The following KIRREL3 variants were observed in gnomAD, a reference collection of about 807,000 sequenced individuals.
KIRREL3 encodes kin of IRRE-like protein 3.
Under a neutral mutation model 89.7 loss-of-function variants are expected in KIRREL3, and 36 were observed. The observed-to-expected ratio is 0.40, with a 90% CI of 0.31 to 0.53. The LOEUF is 0.53. KIRREL3 is among the 20% of genes least tolerant of loss of function. The pLI is 0.49. For missense variants in KIRREL3, 864 were observed against 1,056.6 expected, an observed-to-expected ratio of 0.82 and a Z score of 2.53; for synonymous variants, 445 against 441.4, an observed-to-expected ratio of 1.01 and a Z score of -0.10.
Position 126,780,450 on chromosome 11 carries a change from A to T in KIRREL3, c.56-217538T>A, listed in dbSNP as rs751433853. Among the ~76,000 whole-genome samples, 1 of 152,214 alleles carries T rather than the reference A, an allele frequency of 6.6e-6. No individual in the cohort carries two copies. The highest frequency in any genetic ancestry group is 1.5e-5 in the Non-Finnish European group (1 of 68,036). On this transcript the variant is annotated intron_variant, in intron 1 of 16. Transcript: ENST00000525144. The surrounding 1 kb of genome is among the most constrained non-coding windows in gnomAD (Gnocchi z 5.3). ...CCATCCCTTCTATCTCACTTACCTG[A>T]TGTGGAACATATGCTGGGATCAGAA... is the stretch of plus-strand genomic sequence containing the variant.
Position 126,811,863 on chromosome 11 carries a change from A to C in KIRREL3, c.55+188592T>G, listed in dbSNP as rs1426472271. Among the ~76,000 whole-genome samples the C allele has an allele frequency of 6.6e-6, 1 of 152,152 alleles. No individual in the cohort carries two copies. Among genetic ancestry groups the C allele is most frequent in the Admixed American group, 6.5e-5 (1 of 15,284 alleles). ...TGGCCTCATAAAGTGCTGGGATTAC[A>C]GGTGTGAGCCACTGTGCCTGGCCAG... On this transcript the variant is annotated intron_variant, in intron 1 of 16. Coordinates refer to ENST00000525144, the MANE Select transcript of KIRREL3 (RefSeq NM_032531.4). This position sits in a 1 kb window ranked among gnomAD's most constrained non-coding sequence, Gnocchi z 4.3.
rs1048107660 is a variant in KIRREL3 at position 126,822,766 on chromosome 11, C to T, written c.55+177689G>A. 3.9e-5 allele frequency among the ~76,000 whole-genome samples: 6 copies of T among 152,198 alleles called. 1 individual carries two copies. Among genetic ancestry groups the T allele is most frequent in the Middle Eastern group, 3.4e-3 (1 of 294 alleles). On this transcript the variant is annotated intron_variant, in intron 1 of 16. Coordinates refer to ENST00000525144, the MANE Select transcript of KIRREL3 (RefSeq NM_032531.4). The stretch of plus-strand genomic sequence containing the variant: ...AAGCTGATGTCTGGGTTGGGCTGGC[C>T]GGAAGAGCCAGGGTCTGGCCAGTGT...
Position 126,709,026 on chromosome 11 carries a change from G to A in KIRREL3, c.56-146114C>T, listed in dbSNP as rs1204391715. On this transcript the variant is annotated intron_variant, in intron 1 of 16. Transcript: ENST00000525144. The surrounding 1 kb of genome is among the most constrained non-coding windows in gnomAD (Gnocchi z 4.0). ...ACCCCAGGACAGCTTGTGTTATCAC[G>A]GCCAGGTGGATCTTTCTAGAACACC... Among the ~76,000 whole-genome samples, 3 of 152,106 alleles carry A rather than the reference G, an allele frequency of 2.0e-5. No individual in the cohort carries two copies. The highest frequency in any genetic ancestry group is 4.4e-5 in the Non-Finnish European group (3 of 68,040).
rs1363851898 is a variant in KIRREL3, at chr11:126,516,153, T to A, written c.433+5162A>T. Among the ~76,000 whole-genome samples the A allele has an allele frequency of 6.6e-6, 1 of 152,224 alleles. No individual in the cohort carries two copies. Among genetic ancestry groups the A allele is most frequent in the Non-Finnish European group, 1.5e-5 (1 of 68,042 alleles). On this transcript the variant is annotated intron_variant, in intron 4 of 16. Transcript: ENST00000525144. This position sits in a 1 kb window ranked among gnomAD's most constrained non-coding sequence, Gnocchi z 4.9. Reference sequence around the variant, plus strand: ...TTATCTGTTTTCCTCTCTCAGTATTTGGGGCTTGACATCATTTAAAAAGAT... The same window carrying A: ...TTATCTGTTTTCCTCTCTCAGTATTAGGGGCTTGACATCATTTAAAAAGAT...
rs575594145 is a variant in KIRREL3 at position 126,601,486 on chromosome 11, C to T, written c.56-38574G>A. On this transcript the variant is annotated intron_variant, in intron 1 of 16. Transcript: ENST00000525144. The surrounding 1 kb of genome is among the most constrained non-coding windows in gnomAD (Gnocchi z 5.8). ...GATGAACTTCCCGTGCTCAATCAAA[C>T]GTTATTATCCCAATGTAAGTCAATT... Among the ~76,000 whole-genome samples the T allele has an allele frequency of 3.3e-5, 5 of 152,340 alleles. No individual in the cohort carries two copies. Among genetic ancestry groups the T allele is most frequent in the African/African-American group, 7.2e-5 (3 of 41,578 alleles).
At chr11:126,963,184 A>C (rs560046490) in intron 1 of KIRREL3, among the ~76,000 whole-genome samples, 1 of 152,158 alleles carries the variant, frequency 6.6e-6, no homozygotes, top group Non-Finnish European at 1.5e-5. Flanking sequence ...GGCTGAGAGC[A>C]CTGATAAAAT....
At chr11:126,935,803 G>A (rs997538511) in intron 1 of KIRREL3, 3 of 152,210 alleles carry the variant, frequency 2.0e-5, no homozygotes, top group African/African-American at 7.2e-5. Context: ...CGTGGTAGAT[G>A]CAAGTCATTA....
Position 126,821,329 on chromosome 11 carries a change from G to GTATATATATATATATATATA in KIRREL3, c.55+179106_55+179125dup, listed in dbSNP as rs6144553. 3.2e-3 allele frequency among the ~76,000 whole-genome samples: 331 copies of GTATATATATATATATATATA among 103,434 alleles called. 8 individuals carry two copies. Among genetic ancestry groups the GTATATATATATATATATATA allele is most frequent in the South Asian group, 6.6e-3 (19 of 2,878 alleles). The allele number at this position is 103,434 out of a possible 152,430, so 67.9% of individuals were successfully genotyped here. On this transcript the variant is annotated intron_variant, in intron 1 of 16. Transcript: ENST00000525144. ...TTTCATGGGTCAACGGATAAACACA[G>GTATATATATATATATATATA]TATATATATATATATATATATATGT...
At chr11:126,848,657 A>T (rs1312496280) in intron 1 of KIRREL3, among the ~76,000 whole-genome samples, 1 of 152,190 alleles carries the variant, frequency 6.6e-6, no homozygotes, top group East Asian at 1.9e-4. Flanking sequence ...ACATGGGATA[A>T]TTTTGCTTAT....
intron 1 of KIRREL3, among the ~76,000 whole-genome samples, chr11:126,586,415 A>G (rs1414349105): frequency 6.6e-6 from 1 of 152,026 alleles, no homozygotes; most frequent in Non-Finnish European, 1.5e-5. Context: ...ACTGAACGCG[A>G]GCTGGGGGAA....
In KIRREL3 at chr11:126,471,090, G is replaced by A. The variant is rs975641566; in HGVS notation, c.591+2219C>T. Reference sequence around the variant, plus strand: ...AGACAGTTTGCGGCCGGGCGCAGTGGCTCAGTCCTGTAATCCCAGCACTTT... The same window carrying A: ...AGACAGTTTGCGGCCGGGCGCAGTGACTCAGTCCTGTAATCCCAGCACTTT... On this transcript the variant is annotated intron_variant, in intron 5 of 16. Coordinates refer to ENST00000525144, the MANE Select transcript of KIRREL3 (RefSeq NM_032531.4). The surrounding 1 kb of genome is among the most constrained non-coding windows in gnomAD (Gnocchi z 5.4). 3.3e-5 allele frequency among the ~76,000 whole-genome samples: 5 copies of A among 152,138 alleles called. No homozygotes were observed. The highest frequency in any genetic ancestry group is 1.2e-4 in the African/African-American group (5 of 41,416).
chr11:126,594,264 C>A lies in KIRREL3; in HGVS notation c.56-31352G>T, dbSNP rs1032758059. On this transcript the variant is annotated intron_variant, in intron 1 of 16. Coordinates refer to ENST00000525144, the MANE Select transcript of KIRREL3 (RefSeq NM_032531.4). This position sits in a 1 kb window ranked among gnomAD's most constrained non-coding sequence, Gnocchi z 5.0. ...ACTAACAGTAAGGTGAAGGGTAGGG[C>A]TGGGGGCTGGGTCGGAGCCACAGGA... 1.3e-5 allele frequency among the ~76,000 whole-genome samples: 2 copies of A among 151,942 alleles called. No individual in the cohort carries two copies. Among genetic ancestry groups the A allele is most frequent in the African/African-American group, 4.8e-5 (2 of 41,368 alleles).
rs1178113336 is a variant in KIRREL3 at position 126,525,647 on chromosome 11, TCTC to T, written c.283+888_283+890del. 2.0e-5 allele frequency among the ~76,000 whole-genome samples: 3 copies of T among 152,200 alleles called. No homozygotes were observed. Among genetic ancestry groups the T allele is most frequent in the African/African-American group, 4.8e-5 (2 of 41,438 alleles). ...ACTTCTCAGCTGAATAATATTTTTC[TCTC>T]CTCCTCCACCCTTAGCTATTCCCAA... On this transcript the variant is annotated intron_variant, in intron 3 of 16. Transcript: ENST00000525144. The surrounding 1 kb of genome is among the most constrained non-coding windows in gnomAD (Gnocchi z 5.4).
chr11:126,482,288 C>T (rs760500129), intron 4 of KIRREL3, among the ~76,000 whole-genome samples: 7 of 152,206 alleles, frequency 4.6e-5, no homozygotes, highest in Non-Finnish European at 8.8e-5. Flanking sequence ...ATCCACCTGC[C>T]TTGGTCTCCC....
intron 5 of KIRREL3, among the ~76,000 whole-genome samples, chr11:126,465,937 G>A (rs1425136173): frequency 1.3e-5 from 2 of 152,162 alleles, no homozygotes; most frequent in East Asian, 1.9e-4. Flanking sequence ...GCGCAGGGGC[G>A]GGGAGGTGGT....
rs759753586 is a variant in KIRREL3, at chr11:126,521,379, C to T, written c.369G>A (p.Ala123=). The change falls in exon 4 of 17, where the codon GCG becomes GCA. Residue 123 remains alanine, a synonymous_variant. Transcript: ENST00000525144. This position sits in a 1 kb window ranked among gnomAD's most constrained non-coding sequence, Gnocchi z 4.1. ...CCTGGATGGCCTGGCACTCGTACACCGCATCGTCTTGCAGCTCTGCCCTCA... is the reference window on the plus strand; with the variant it reads ...CCTGGATGGCCTGGCACTCGTACACTGCATCGTCTTGCAGCTCTGCCCTCA... ...KILRAELQDD[A]VYECQAIQAA... The T allele has an allele frequency of 4.7e-5, 73 of 1,561,474 alleles. No individual in the cohort carries two copies. Among genetic ancestry groups the T allele is most frequent in the Admixed American group, 1.2e-4 (6 of 52,156 alleles).
Position 126,490,200 on chromosome 11 carries a change from TTGTGTG to T in KIRREL3, c.434-16740_434-16735del, listed in dbSNP as rs10609593. Among the ~76,000 whole-genome samples, 6 of 141,098 alleles carry T rather than the reference TTGTGTG, an allele frequency of 4.3e-5. No individual in the cohort carries two copies. Among genetic ancestry groups the T allele is most frequent in the East Asian group, 4.3e-4 (2 of 4,672 alleles). 92.6% of individuals were successfully genotyped at this position (141,098 alleles called of 152,430 possible). A position where few individuals can be genotyped will look rare whatever the true frequency, so the allele number is the denominator to read the frequency against. ...TATTTGCATTTGGCTTTGGAATGCA[TTGTGTG>T]TGTGTGTGTGTGTGTGTGTGTGTGG... On this transcript the variant is annotated intron_variant, in intron 4 of 16. Transcript: ENST00000525144. This position sits in a 1 kb window ranked among gnomAD's most constrained non-coding sequence, Gnocchi z 4.2.
At chr11:126,927,834 A>G (rs1947786847) in intron 1 of KIRREL3, among the ~76,000 whole-genome samples, 1 of 152,246 alleles carries the variant, frequency 6.6e-6, no homozygotes, top group Non-Finnish European at 1.5e-5. Context: ...GAGAGGCAGC[A>G]CCATCCAGAC....
rs1404621293 is a variant in KIRREL3 at position 126,563,156 on chromosome 11, A to T, written c.56-244T>A. On this transcript the variant is annotated intron_variant, in intron 1 of 16. Transcript: ENST00000525144. The surrounding 1 kb of genome is among the most constrained non-coding windows in gnomAD (Gnocchi z 6.8). The stretch of plus-strand genomic sequence containing the variant: ...TTTTCTATCATCCCCATTTATAGAT[A>T]TATGAAGTTAGTGGCACTGGATGAA... Among the ~76,000 whole-genome samples, 3 of 152,238 alleles carry T rather than the reference A, an allele frequency of 2.0e-5. No homozygotes were observed. The East Asian group carries it at 5.8e-4, about 29-fold the overall frequency.
Sources: gnomAD v4.1 joint callset for allele counts (sites outside exome capture counted in the v4.1 genomes callset) on GRCh38, gnomAD v4.1.1 for gene constraint, Gnocchi (gnomAD v3.1) non-coding constraint, MANE v1.5 for transcripts, NCBI Gene and HGNC (gene_info 2026-07-23, HGNC 2026-07-21) for gene names.